The following DEAF1 variants were observed in gnomAD, a reference collection of about 807,000 sequenced individuals.
The protein encoded by DEAF1 is DEAF1 transcription factor.
A neutral mutation model predicts 58.9 loss-of-function variants in DEAF1; 53 were observed. The ratio of observed to expected loss-of-function variants is 0.90; its 90% CI spans 0.72 to 1.13. The LOEUF (loss-of-function observed/expected upper bound fraction) is 1.13, where lower values mean the gene tolerates loss of function less well. Among genes scored for constraint, DEAF1 ranks in the 50% most tolerant of loss-of-function variants. The probability of loss-of-function intolerance (pLI) is 0.00; values close to 1 mark genes in which losing one functional copy is unlikely to be tolerated. For missense variants in DEAF1, 685 were observed against 791.4 expected (o/e 0.87, Z 1.61); for synonymous variants, 385 against 340.4 (o/e 1.13, Z -1.44).
chr11:674,054 C>A (rs149637346), intron 10 of DEAF1: 2 of 259,598 alleles, frequency 7.7e-6, no homozygotes, highest in Non-Finnish European at 1.5e-5. Context: ...CCACCATGCA[C>A]AGGAGCCGCC....
At chr11:646,985 A>G (rs1163063040) in intron 11 of DEAF1, among the ~76,000 whole-genome samples, 1 of 106,926 alleles carries the variant, frequency 9.4e-6, no homozygotes, top group African/African-American at 3.2e-5. Context: ...CCCTATCTCT[A>G]TAAAAAAAAA....
chr11:658,360 T>C (rs12273148), intron 10 of DEAF1, among the ~76,000 whole-genome samples: 2,781 of 151,936 alleles, frequency 0.018, 79 homozygotes, highest in African/African-American at 0.063. Flanking sequence ...ACCCAGGAGG[T>C]GGAGCTTGCA....
At chr11:697,784 C>T (rs1284975114), upstream of DEAF1, 2 of 152,256 alleles carry the variant, frequency 1.3e-5, no homozygotes, top group African/African-American at 2.4e-5. Flanking sequence ...CGTGGTCTGC[C>T]GTGCACTTGG....
In DEAF1 at chr11:688,378, A is replaced by G; in HGVS notation, c.470T>C (p.Ile157Thr). 1 of 1,613,874 alleles carries G rather than the reference A, an allele frequency of 6.2e-7. No homozygotes were observed. Among genetic ancestry groups the G allele is most frequent in the East Asian group, 2.2e-5 (1 of 44,872 alleles). The change falls in exon 3 of 12, where the codon ATC (isoleucine) becomes ACC (threonine). Residue 157 changes from isoleucine (I) to threonine (T), a missense_variant. Around this residue, in one of 3 missense-constraint regions of DEAF1, gnomAD observed 132 missense variants for 234.3 expected, o/e 0.56. Transcript: ENST00000382409. This position sits in a 1 kb window ranked among gnomAD's most constrained non-coding sequence, Gnocchi z 4.3. Reference sequence around the variant, plus strand: ...GCCTTTCAGCCCGGTGGTCTCCACGATGCTCCCATCTGTGTGGACGACAAT... The same window carrying G: ...GCCTTTCAGCCCGGTGGTCTCCACGGTGCTCCCATCTGTGTGGACGACAAT... Reference protein sequence around the residue: ...TLIVVHTDGSIVETTGLKGPA... With the variant: ...TLIVVHTDGSTVETTGLKGPA...
chr11:695,841 G>C, upstream of DEAF1: 1 of 1,230,196 alleles, frequency 8.1e-7, no homozygotes, highest in Non-Finnish European at 1.0e-6. Flanking sequence ...GCGGCCCCGC[G>C]GCGAGGTGAG....
intron 11 of DEAF1, among the ~76,000 whole-genome samples, chr11:652,078 A>G (rs1005921941): frequency 6.6e-6 from 1 of 152,228 alleles, no homozygotes; most frequent in African/African-American, 2.4e-5. Flanking sequence ...ACTCTCCATG[A>G]TAAGACCATA....
intron 10 of DEAF1, chr11:654,708 A>G: frequency 4.5e-6 from 2 of 440,084 alleles, no homozygotes; most frequent in South Asian, 3.1e-5. Context: ...GTCTCTACTA[A>G]AAATACAAAA....
At chr11:649,178 G>A (rs1858642296) in intron 11 of DEAF1, among the ~76,000 whole-genome samples, 1 of 152,170 alleles carries the variant, frequency 6.6e-6, no homozygotes, top group African/African-American at 2.4e-5. Context: ...TTGAACCCGG[G>A]AGGCAGAGGC....
intron 11 of DEAF1, among the ~76,000 whole-genome samples, chr11:647,453 T>C (rs1858551095): frequency 6.6e-6 from 1 of 152,046 alleles, no homozygotes; most frequent in Non-Finnish European, 1.5e-5. Flanking sequence ...AGACCCTGTC[T>C]CAAAAACAGA....
rs866721558 is a variant in DEAF1, at chr11:704,135, C to T, written c.-438+2437G>A. 28 of 1,124,256 alleles carry T rather than the reference C, an allele frequency of 2.5e-5. No individual in the cohort carries two copies. In the Middle Eastern group the frequency reaches 1.2e-3, roughly 49 times the overall value. 69.6% of individuals were successfully genotyped at this position (1,124,256 alleles called of 1,614,324 possible). A position where few individuals can be genotyped will look rare whatever the true frequency, so the allele number is the denominator to read the frequency against. ...GATGTGTATGCCTCCCTGAATTCTCCTAATTATGGCCACCTCCCCCACCCC... is the reference window on the plus strand; with the variant it reads ...GATGTGTATGCCTCCCTGAATTCTCTTAATTATGGCCACCTCCCCCACCCC... On this transcript the variant is annotated intron_variant, in intron 1 of 11. Transcript: ENST00000683307.
At chr11:658,619 G>A (rs991859015) in intron 10 of DEAF1, among the ~76,000 whole-genome samples, 1 of 152,250 alleles carries the variant, frequency 6.6e-6, no homozygotes, top group African/African-American at 2.4e-5. Context: ...CTGCCCAGGC[G>A]CCCCAAGAAG....
chr11:695,681 G>A (rs1441059758), upstream of DEAF1: 2 of 1,244,380 alleles, frequency 1.6e-6, no homozygotes, highest in Non-Finnish European at 2.0e-6. Context: ...GACTAATCGG[G>A]CCTCGGCCGT....
At chr11:697,004 G>A (rs557993894), upstream of DEAF1, among the ~76,000 whole-genome samples, 74 of 150,536 alleles carry the variant, frequency 4.9e-4, no homozygotes, top group African/African-American at 1.6e-3. Context: ...GCTCGAACCC[G>A]GTGGTGGTGG....
chr11:665,239 T>C (rs113462272), intron 10 of DEAF1, among the ~76,000 whole-genome samples: 1,075 of 98,058 alleles, frequency 0.011, 11 homozygotes, highest in East Asian at 0.041. Context: ...CTATTCACAC[T>C]GAGAGGAGGA....
At chr11:696,553 A>AG, upstream of DEAF1, among the ~76,000 whole-genome samples, 1 of 152,108 alleles carries the variant, frequency 6.6e-6, no homozygotes. Context: ...CCGAGGCTGC[A>AG]GGATCATTTG....
At chr11:645,822 C>T (rs904215805) in intron 11 of DEAF1, among the ~76,000 whole-genome samples, 12 of 152,184 alleles carry the variant, frequency 7.9e-5, no homozygotes, top group Non-Finnish European at 1.6e-4. Flanking sequence ...GAAGCTGAGA[C>T]GGCCTCGTCA....
At chr11:648,558 G>A (rs1007824909) in intron 11 of DEAF1, among the ~76,000 whole-genome samples, 2 of 152,120 alleles carry the variant, frequency 1.3e-5, no homozygotes, top group Non-Finnish European at 2.9e-5. Context: ...CTGGGCTGGA[G>A]GTCCGGCTGG....
chr11:683,876 T>C (rs953598121), intron 6 of DEAF1, among the ~76,000 whole-genome samples: 1 of 152,186 alleles, frequency 6.6e-6, no homozygotes, highest in African/African-American at 2.4e-5. Flanking sequence ...ACTTCAGTGT[T>C]GGAGCCCCTG....
chr11:668,898 TCA>T (rs1859677605), intron 10 of DEAF1, among the ~76,000 whole-genome samples: 1 of 152,156 alleles, frequency 6.6e-6, no homozygotes, highest in Non-Finnish European at 1.5e-5. Flanking sequence ...CAATCTCGGC[TCA>T]CTGCAAGCTC....
Sources: allele counts gnomAD v4.1 joint callset (sites outside exome capture counted in the v4.1 genomes callset), GRCh38; gene constraint gnomAD v4.1.1; regional missense constraint gnomAD v4.1.1; non-coding constraint Gnocchi (gnomAD v3.1); transcripts MANE v1.5; gene names NCBI Gene and HGNC (gene_info 2026-07-23, HGNC 2026-07-21).